Variants in AIMP2 observed in about 807,000 individuals in gnomAD.
AIMP2 encodes the protein aminoacyl tRNA synthase complex-interacting multifunctional protein 2.
Under a neutral mutation model 23.4 loss-of-function variants are expected in AIMP2, and 20 were observed. The observed-to-expected ratio is 0.85, with a 90% CI of 0.60 to 1.24. The LOEUF is 1.24. Ranked by LOEUF, AIMP2 falls within the 50% of genes most tolerant of loss-of-function variation. The pLI, the probability that AIMP2 is intolerant of heterozygous loss-of-function variation, is 0.00. For synonymous variants in AIMP2, 210 were observed against 170.4 expected (o/e 1.23, Z -1.81); for missense variants, 515 against 414.5 (o/e 1.24, Z -2.10).
At chr7:6,017,205 A>G (rs1044657230) in intron 2 of AIMP2, among the ~76,000 whole-genome samples, 2 of 152,132 alleles carry the variant, frequency 1.3e-5, no homozygotes, top group African/African-American at 4.8e-5. Context: ...ACTGCAGGTT[A>G]AAAGGGACAA....
rs1391858288 is a variant in AIMP2, at chr7:6,015,210, A to G, written c.200A>G (p.Tyr67Cys). The G allele has an allele frequency of 1.9e-6, 3 of 1,614,190 alleles. No individual in the cohort carries two copies. The South Asian group carries it at 3.3e-5, about 18-fold the overall frequency. ...SRQDDILKRL[Y>C]ELKAAVDGLS... ...CAAGATGATATTTTAAAACGTCTGT[A>G]TGAGTTGAAAGCTGCAGTTGATGGC... The change falls in exon 2 of 4, where the codon TAT (tyrosine) becomes TGT (cysteine). Residue 67 changes from tyrosine to cysteine, a missense_variant. Physicochemically the swap from Tyr to Cys is radical, Grantham distance 194. Transcript: ENST00000223029.
rs1787652396 is a variant in AIMP2, at chr7:6,023,797, C to T, written c.*106C>T. 7 of 1,588,386 alleles carry T rather than the reference C, an allele frequency of 4.4e-6. No homozygotes were observed. Among genetic ancestry groups the T allele is most frequent in the African/African-American group, 1.3e-5 (1 of 74,558 alleles). On this transcript the variant is annotated 3_prime_UTR_variant, in exon 4 of 4. Transcript: ENST00000223029. ...TAGAGTCAGAGTCTTTTTATTTAGGCCAGTTGTCAAGTGTCAATAAAAGCA... is the reference window on the plus strand; with the variant it reads ...TAGAGTCAGAGTCTTTTTATTTAGGTCAGTTGTCAAGTGTCAATAAAAGCA...
intron 3 of AIMP2, chr7:6,022,315 G>A (rs778227401): frequency 1.3e-5 from 2 of 152,154 alleles, no homozygotes; most frequent in Non-Finnish European, 1.5e-5. Flanking sequence ...CATACAAAAC[G>A]TGTTAATCAA....
intron 3 of AIMP2, among the ~76,000 whole-genome samples, chr7:6,021,652 G>C (rs1302287398): frequency 1.3e-5 from 2 of 152,148 alleles, no homozygotes; most frequent in Non-Finnish European, 2.9e-5. Flanking sequence ...GCTTAATGGA[G>C]AGAAGTGCTT....
Position 6,017,946 on chromosome 7 carries a change from A to G in AIMP2, c.475A>G (p.Lys159Glu), listed in dbSNP as rs1787127140. Residue 159 changes from lysine (K) to glutamate (E), a missense_variant, in exon 3 of 4, where the codon AAG becomes GAG. By Grantham distance (56) the Lys-to-Glu change is moderately conservative. Transcript: ENST00000223029. ...LSTVHTHSSVKSVPENLLKCF... is the reference protein window; with the variant it reads ...LSTVHTHSSVESVPENLLKCF... ...CACGGTGCACACGCACTCCTCGGTC[A>G]AGAGCGTGCCTGAAAACCTTCTCAA... 3.1e-6 allele frequency: 5 copies of G among 1,614,068 alleles called. No individual in the cohort carries two copies. Among genetic ancestry groups the G allele is most frequent in the Non-Finnish European group, 4.2e-6 (5 of 1,180,006 alleles).
intron 3 of AIMP2, among the ~76,000 whole-genome samples, chr7:6,018,589 A>G (rs1192327385): frequency 6.6e-6 from 1 of 151,978 alleles, no homozygotes. Context: ...TAATCCCAGC[A>G]CTTTGTGAGG....
chr7:6,013,465 T>G (rs1786825412), intron 1 of AIMP2, among the ~76,000 whole-genome samples: 1 of 151,952 alleles, frequency 6.6e-6, no homozygotes, highest in Non-Finnish European at 1.5e-5. Flanking sequence ...TTCACCATGT[T>G]GGCCAGGCTG....
At chr7:6,014,148 GT>G (rs1486904038) in intron 1 of AIMP2, among the ~76,000 whole-genome samples, 1 of 149,738 alleles carries the variant, frequency 6.7e-6, no homozygotes, top group East Asian at 2.0e-4. Flanking sequence ...ACTACAAATT[GT>G]GTTCATTTTC....
chr7:6,022,094 G>C (rs1787467351), intron 3 of AIMP2: 1 of 151,994 alleles, frequency 6.6e-6, no homozygotes, highest in African/African-American at 2.4e-5. Context: ...TTCTTTTAAA[G>C]AGGCAGGGTC....
chr7:6,012,953 A>G lies in AIMP2; in HGVS notation c.136-2193A>G, dbSNP rs986084924. On this transcript the variant is annotated intron_variant, in intron 1 of 3. Transcript: ENST00000223029. Reference sequence around the variant, plus strand: ...TGATCTTAAATAAGAGCAGCAGACTAGGAGAGGTGAGAAAGTGCTGATTAA... The same window carrying G: ...TGATCTTAAATAAGAGCAGCAGACTGGGAGAGGTGAGAAAGTGCTGATTAA... 17 of 988,444 alleles carry G rather than the reference A, an allele frequency of 1.7e-5. No homozygotes were observed. The African/African-American group carries it at 2.6e-4, about 15-fold the overall frequency. The allele number at this position is 988,444 out of a possible 1,614,324, so 61.2% of individuals were successfully genotyped here.
intron 2 of AIMP2, among the ~76,000 whole-genome samples, chr7:6,015,730 AAAAC>A (rs1482817705): frequency 6.6e-6 from 1 of 152,202 alleles, no homozygotes; most frequent in Non-Finnish European, 1.5e-5. Context: ...TCTCAAAACA[AAAAC>A]AAAACTAGCT....
rs762568088 is a variant in AIMP2, at chr7:6,015,348, G to A, written c.338G>A (p.Gly113Glu). Residue 113 changes from glycine to glutamate, a missense_variant, in exon 2 of 4, where the codon GGG becomes GAG. Physicochemically the swap from Gly to Glu is moderately conservative, Grantham distance 98. Coordinates refer to ENST00000223029, the MANE Select transcript of AIMP2 (RefSeq NM_006303.4). ...TNALDLNSVL[G>E]KDYGALKDIV... ...GCGCTGGACTTGAATTCAGTGCTTGGGAAGGTAGGTTCGTTTTGAAAGCTG... is the reference window on the plus strand; with the variant it reads ...GCGCTGGACTTGAATTCAGTGCTTGAGAAGGTAGGTTCGTTTTGAAAGCTG... 12 of 1,614,064 alleles carry A rather than the reference G, an allele frequency of 7.4e-6. No homozygotes were observed. The highest frequency in any genetic ancestry group is 1.7e-5 in the Admixed American group (1 of 60,006).
chr7:6,010,133 T>A (rs902000271), intron 1 of AIMP2, among the ~76,000 whole-genome samples: 1 of 151,342 alleles, frequency 6.6e-6, no homozygotes, highest in Non-Finnish European at 1.5e-5. Flanking sequence ...CTCTATTTTT[T>A]AAATGTTTTA....
intron 2 of AIMP2, among the ~76,000 whole-genome samples, chr7:6,017,253 C>T (rs891546079): frequency 4.6e-5 from 7 of 151,940 alleles, no homozygotes; most frequent in African/African-American, 1.5e-4. Flanking sequence ...CCATGGCTCC[C>T]ATCTGTAATC....
intron 2 of AIMP2, among the ~76,000 whole-genome samples, chr7:6,016,687 C>T (rs1460705752): frequency 6.6e-6 from 1 of 152,090 alleles, no homozygotes; most frequent in Non-Finnish European, 1.5e-5. Context: ...GAAGACCCAG[C>T]GTCAAGTAAT....
At chr7:6,012,398 A>C (rs1351364800) in intron 1 of AIMP2, among the ~76,000 whole-genome samples, 1 of 152,192 alleles carries the variant, frequency 6.6e-6, no homozygotes, top group Non-Finnish European at 1.5e-5. Flanking sequence ...CAGCAAGGAA[A>C]ACAACAGGCC....
intron 3 of AIMP2, chr7:6,022,146 G>C (rs2128882208): frequency 6.6e-6 from 1 of 152,304 alleles, no homozygotes. Flanking sequence ...TGCGATCATA[G>C]CTCACCACAG....
chr7:6,012,925 G>T (rs2009115), intron 1 of AIMP2: 7 of 989,082 alleles, frequency 7.1e-6, no homozygotes, highest in East Asian at 1.1e-4. Context: ...TTTCTCTGAC[G>T]TTTGATCTTA....
At position 6,015,336 on chromosome 7, in the gene AIMP2, A is replaced by G. The variant is rs990903521; in HGVS notation, c.326A>G (p.Asn109Ser). 3.7e-6 allele frequency: 6 copies of G among 1,614,030 alleles called. No individual in the cohort carries two copies. The African/African-American group carries it at 8.0e-5, about 22-fold the overall frequency. ...TTLTTNALDL[N>S]SVLGKDYGAL... ...TTAACCACCAATGCGCTGGACTTGA[A>G]TTCAGTGCTTGGGAAGGTAGGTTCG... The change falls in exon 2 of 4, where the codon AAT becomes AGT. Residue 109 changes from asparagine to serine, a missense_variant. Coordinates refer to ENST00000223029, the MANE Select transcript of AIMP2 (RefSeq NM_006303.4).
Sources: allele counts gnomAD v4.1 joint callset (sites outside exome capture counted in the v4.1 genomes callset), GRCh38; gene constraint gnomAD v4.1.1; transcripts MANE v1.5; gene names NCBI Gene and HGNC (gene_info 2026-07-23, HGNC 2026-07-21).